ZBBX: variants seen among roughly 807,000 people sequenced by gnomAD.
ZBBX encodes the protein zinc finger B-box domain-containing protein 1.
A neutral mutation model predicts 108.5 loss-of-function variants in ZBBX; 101 were observed. The observed-to-expected ratio is 0.93, with a 90% confidence interval of 0.79 to 1.10. The LOEUF (loss-of-function observed/expected upper bound fraction) is 1.10, where lower values mean the gene tolerates loss of function less well. Among genes scored for constraint, ZBBX ranks in the 50% least tolerant of loss-of-function variants. The pLI, the probability that ZBBX is intolerant of heterozygous loss-of-function variation, is 0.00. For synonymous variants in ZBBX, 356 were observed against 323.4 expected, an observed-to-expected ratio of 1.10 and a Z score of -1.08; for missense variants, 1,009 against 941.4, an observed-to-expected ratio of 1.07 and a Z score of -0.94.
chr3:167,345,945 TG>T (rs1482202566), intron 9 of ZBBX, among the ~76,000 whole-genome samples: 4 of 151,952 alleles, frequency 2.6e-5, no homozygotes, highest in African/African-American at 7.2e-5. Flanking sequence ...ATTAAGAAAA[TG>T]TATTTACCAT....
At chr3:167,303,606 C>T (rs904881823) in intron 17 of ZBBX, among the ~76,000 whole-genome samples, 5 of 152,142 alleles carry the variant, frequency 3.3e-5, no homozygotes, top group African/African-American at 1.2e-4. Flanking sequence ...TTTCTCTAAA[C>T]TTGCCATTAT....
chr3:167,274,921 C>G (rs899720560), intron 20 of ZBBX, among the ~76,000 whole-genome samples: 1 of 152,266 alleles, frequency 6.6e-6, no homozygotes, highest in Non-Finnish European at 1.5e-5. Context: ...CCTTGTTTGA[C>G]ACAAGTGGCA....
chr3:167,181,137 C>A, the ZBBX span, among the ~76,000 whole-genome samples: 5 of 152,230 alleles, frequency 3.3e-5, no homozygotes, highest in Middle Eastern at 3.4e-3. Flanking sequence ...AAAAATGATA[C>A]CCTAAACCTT....
chr3:167,300,601 CA>C (rs911025937), intron 17 of ZBBX, among the ~76,000 whole-genome samples: 6 of 150,206 alleles, frequency 4.0e-5, no homozygotes, highest in South Asian at 4.2e-4. Flanking sequence ...CCATCTCCCC[CA>C]CCAACCCTTT....
chr3:167,304,547 A>G (rs1733285537), intron 17 of ZBBX, among the ~76,000 whole-genome samples: 1 of 152,174 alleles, frequency 6.6e-6, no homozygotes, highest in African/African-American at 2.4e-5. Flanking sequence ...CTTCTGTCAG[A>G]TACATCAGGA....
chr3:167,335,332 C>A (rs1739373687), intron 9 of ZBBX, among the ~76,000 whole-genome samples: 1 of 152,088 alleles, frequency 6.6e-6, no homozygotes, highest in South Asian at 2.1e-4. Flanking sequence ...CACATGCTGT[C>A]AGAGTGACTG....
At chr3:167,197,274 C>T in the ZBBX span, among the ~76,000 whole-genome samples, 2 of 151,796 alleles carry the variant, frequency 1.3e-5, no homozygotes, top group African/African-American at 2.4e-5. Context: ...CACGGTGGCT[C>T]ACGCCTGCAA....
chr3:167,215,021 A>G, the ZBBX span, among the ~76,000 whole-genome samples: 2 of 135,360 alleles, frequency 1.5e-5, no homozygotes, highest in African/African-American at 5.4e-5. Context: ...AAATGCCCAC[A>G]TCAAAAACTT....
At chr3:167,376,865 A>C (rs1237235606) in intron 2 of ZBBX, among the ~76,000 whole-genome samples, 1 of 152,214 alleles carries the variant, frequency 6.6e-6, no homozygotes, top group African/African-American at 2.4e-5. Context: ...TTGTAAAGCC[A>C]ACAGAGAATT....
At chr3:167,280,696 CGATTCCTCA>C (rs1728636784) in intron 20 of ZBBX, among the ~76,000 whole-genome samples, 1 of 150,886 alleles carries the variant, frequency 6.6e-6, no homozygotes, top group African/African-American at 2.4e-5. Context: ...GTCAGTGTGG[CGATTCCTCA>C]GTGATCTAGA....
chr3:167,318,261 A>G (rs1448743931), intron 12 of ZBBX, among the ~76,000 whole-genome samples: 2 of 152,134 alleles, frequency 1.3e-5, no homozygotes, highest in Non-Finnish European at 2.9e-5. Flanking sequence ...TTTCCATACC[A>G]TGCAAGTTCA....
At chr3:167,235,552 A>T (rs1284880661), downstream of ZBBX, among the ~76,000 whole-genome samples, 1 of 151,490 alleles carries the variant, frequency 6.6e-6, no homozygotes, top group East Asian at 1.9e-4. Flanking sequence ...ATTCTTCTGG[A>T]TAGAAAGCAA....
At chr3:167,281,525 AT>A (rs1283898447) in intron 20 of ZBBX, among the ~76,000 whole-genome samples, 2 of 152,228 alleles carry the variant, frequency 1.3e-5, no homozygotes, top group East Asian at 3.8e-4. Context: ...TGTCTCCTGT[AT>A]CTGCAGCTGG....
intron 1 of ZBBX, among the ~76,000 whole-genome samples, chr3:167,398,348 C>T: frequency 6.6e-6 from 1 of 151,990 alleles, no homozygotes; most frequent in East Asian, 1.9e-4. Flanking sequence ...GTTCAGTCTA[C>T]AACAAATATA....
chr3:167,266,318 T>C (rs774304830), intron 20 of ZBBX, among the ~76,000 whole-genome samples: 1 of 152,230 alleles, frequency 6.6e-6, no homozygotes, highest in African/African-American at 2.4e-5. Context: ...ATACAATGAA[T>C]CTTTGTGAGT....
chr3:167,388,023 G>A (rs1747969970), intron 1 of ZBBX, among the ~76,000 whole-genome samples: 1 of 151,930 alleles, frequency 6.6e-6, no homozygotes, highest in African/African-American at 2.4e-5. Context: ...TTTTCATTAA[G>A]TTTCTATTGT....
chr3:167,239,574 GACTT>G (rs1312353026), downstream of ZBBX, among the ~76,000 whole-genome samples: 2 of 151,608 alleles, frequency 1.3e-5, no homozygotes, highest in Non-Finnish European at 2.9e-5. Context: ...CCTTTTCTCT[GACTT>G]ACTTTATTGT....
At chr3:167,220,823 GAA>G in the ZBBX span, among the ~76,000 whole-genome samples, 5 of 151,782 alleles carry the variant, frequency 3.3e-5, no homozygotes, top group African/African-American at 1.2e-4. Context: ...CTTAAATTTG[GAA>G]AAGTCTAAAG....
chr3:167,209,402 T>G, the ZBBX span, among the ~76,000 whole-genome samples: 14 of 152,082 alleles, frequency 9.2e-5, no homozygotes, highest in African/African-American at 3.4e-4. Context: ...GAGACTCCAT[T>G]TCTTTGAGAG....
Sources: gnomAD v4.1 joint callset for allele counts (sites outside exome capture counted in the v4.1 genomes callset) on GRCh38, gnomAD v4.1.1 for gene constraint, MANE v1.5 for transcripts, NCBI Gene and HGNC (gene_info 2026-07-23, HGNC 2026-07-21) for gene names.